PHF20: variants seen among roughly 807,000 people sequenced by gnomAD.
The protein encoded by PHF20 is PHD finger protein 20, also known as glioma-expressed antigen 2.
PHF20 carries 23 observed loss-of-function variants against 113.5 expected under a neutral mutation model. That is an observed-to-expected ratio of 0.20 (90% CI 0.15 to 0.29). The LOEUF is 0.29. Ranked by LOEUF, PHF20 falls within the 10% of genes least tolerant of loss-of-function variation. PHF20 has a pLI of 1.00. For missense variants in PHF20, 943 were observed against 1,219.6 expected (o/e 0.77, Z 3.38); for synonymous variants, 434 against 457.3 (o/e 0.95, Z 0.65).
intron 2 of PHF20, among the ~76,000 whole-genome samples, chr20:35,836,951 C>T (rs1162822984): frequency 1.3e-5 from 2 of 152,124 alleles, no homozygotes; most frequent in Non-Finnish European, 2.9e-5. Flanking sequence ...CCAGCGATCG[C>T]TTGAGCCCAG....
intron 2 of PHF20, among the ~76,000 whole-genome samples, chr20:35,805,894 C>G (rs7270712): frequency 0.11 from 16,612 of 151,260 alleles, 943 homozygotes; most frequent in South Asian, 0.16. Flanking sequence ...CAGAGTCTTG[C>G]TCTGTCGCCC....
At chr20:35,788,800 A>AC (rs2041479096) in intron 1 of PHF20, among the ~76,000 whole-genome samples, 1 of 149,978 alleles carries the variant, frequency 6.7e-6, no homozygotes, top group African/African-American at 2.5e-5. Context: ...GTGTTCTTGA[A>AC]CTGACGTCAG....
intron 1 of PHF20, among the ~76,000 whole-genome samples, chr20:35,787,061 A>G (rs946431025): frequency 6.7e-6 from 1 of 148,802 alleles, no homozygotes; most frequent in Non-Finnish European, 1.5e-5. Flanking sequence ...GTGCAATCAT[A>G]GTTCACTGCA....
chr20:35,785,050 TAA>T (rs879858412), intron 1 of PHF20, among the ~76,000 whole-genome samples: 12 of 142,128 alleles, frequency 8.4e-5, no homozygotes, highest in Admixed American at 7.1e-5. Context: ...GACCCTGTCT[TAA>T]AAAAAAAAAA....
At chr20:35,808,809 T>G (rs1245753659) in intron 2 of PHF20, among the ~76,000 whole-genome samples, 1 of 151,518 alleles carries the variant, frequency 6.6e-6, no homozygotes, top group African/African-American at 2.4e-5. Flanking sequence ...CCTGACCTCG[T>G]GATCTGCTCG....
intron 3 of PHF20, among the ~76,000 whole-genome samples, chr20:35,843,412 G>C (rs1247927434): frequency 6.6e-6 from 1 of 150,596 alleles, no homozygotes; most frequent in Non-Finnish European, 1.5e-5. Context: ...CCAGCTACTC[G>C]GGAGGCTGAG....
At chr20:35,901,744 A>G (rs1228836075) in intron 10 of PHF20, among the ~76,000 whole-genome samples, 1 of 152,190 alleles carries the variant, frequency 6.6e-6, no homozygotes, top group African/African-American at 2.4e-5. Context: ...CTTTAAGAGT[A>G]CAGACCTGAT....
In PHF20 at chr20:35,939,099, C is replaced by G. The variant is rs768597920; in HGVS notation, c.2703C>G (p.Gly901=). 5.0e-6 allele frequency: 8 copies of G among 1,604,778 alleles called. No homozygotes were observed. In the South Asian group the frequency reaches 8.9e-5, roughly 18 times the overall value. ...RSKGDSDPKP[G]SPKVKEYVSK... is the part of the protein sequence containing the mutation. ...AGGGGGACAGTGACCCCAAACCCGG[C>G]TCCCCAAAGGTATGTGGCTGCCTTG... Residue 901 remains glycine, a synonymous_variant, in exon 16 of 18, where the codon GGC becomes GGG. Coordinates refer to ENST00000374012, the MANE Select transcript of PHF20 (RefSeq NM_016436.5).
intron 10 of PHF20, among the ~76,000 whole-genome samples, chr20:35,910,653 T>C (rs777699030): frequency 1.2e-4 from 18 of 151,680 alleles, no homozygotes; most frequent in Middle Eastern, 6.8e-3. Context: ...CCCCCCGAGA[T>C]GGAGTCGCTG....
At chr20:35,874,938 A>G (rs1313677146) in intron 9 of PHF20, among the ~76,000 whole-genome samples, 1 of 152,044 alleles carries the variant, frequency 6.6e-6, no homozygotes, top group Non-Finnish European at 1.5e-5. Context: ...TCCCTCTTCA[A>G]AAAATAAAAA....
chr20:35,824,500 G>A (rs534628889), intron 2 of PHF20, among the ~76,000 whole-genome samples: 4 of 151,774 alleles, frequency 2.6e-5, no homozygotes, highest in South Asian at 4.2e-4. Flanking sequence ...CCAGCTACTC[G>A]GGAGGCTGAG....
At chr20:35,828,980 G>GT (rs1450850475) in intron 2 of PHF20, among the ~76,000 whole-genome samples, 1 of 152,174 alleles carries the variant, frequency 6.6e-6, no homozygotes, top group East Asian at 1.9e-4. Context: ...CAGGAGCGGC[G>GT]TAATGGGGGG....
rs185108303 is a variant in PHF20 at position 35,793,646 on chromosome 20, C to T, written c.-32-7845C>T. Among the ~76,000 whole-genome samples the T allele has an allele frequency of 3.3e-5, 5 of 151,940 alleles. No homozygotes were observed. The East Asian group carries it at 7.8e-4, about 24-fold the overall frequency. ...GTATCTAAAATAGTCCTTTCCATGT[C>T]GCTGGTTCACATTATTTTGTTGTTT... is the stretch of plus-strand genomic sequence containing the variant. On this transcript the variant is annotated intron_variant, in intron 1 of 17. Coordinates refer to ENST00000374012, the MANE Select transcript of PHF20 (RefSeq NM_016436.5).
intron 15 of PHF20, among the ~76,000 whole-genome samples, chr20:35,937,050 G>A (rs766903053): frequency 1.3e-5 from 2 of 152,158 alleles, no homozygotes; most frequent in Non-Finnish European, 2.9e-5. Context: ...CATTGGCTGG[G>A]TCCAGAAAGG....
chr20:35,869,022 C>T (rs975866814), intron 6 of PHF20, among the ~76,000 whole-genome samples: 1 of 151,696 alleles, frequency 6.6e-6, no homozygotes, highest in Non-Finnish European at 1.5e-5. Context: ...ACCTGGGAGG[C>T]GGAGGTTGCA....
chr20:35,932,428 ATT>A (rs753265544), intron 15 of PHF20, among the ~76,000 whole-genome samples: 5,569 of 104,222 alleles, frequency 0.053, 81 homozygotes, highest in African/African-American at 0.13. Flanking sequence ...CATCTTAACC[ATT>A]TTTTTTTTTT....
intron 14 of PHF20, among the ~76,000 whole-genome samples, chr20:35,930,981 T>C (rs1157093103): frequency 6.6e-6 from 1 of 151,948 alleles, no homozygotes; most frequent in Non-Finnish European, 1.5e-5. Flanking sequence ...TGATATAAAT[T>C]TGGAGATAAT....
At chr20:35,885,324 G>C (rs916121626) in intron 9 of PHF20, among the ~76,000 whole-genome samples, 3 of 151,896 alleles carry the variant, frequency 2.0e-5, no homozygotes, top group African/African-American at 7.3e-5. Context: ...AAAAAATGGG[G>C]GTAAATTTTT....
intron 17 of PHF20, among the ~76,000 whole-genome samples, chr20:35,946,999 C>T (rs934270152): frequency 1.3e-5 from 2 of 152,162 alleles, no homozygotes; most frequent in Non-Finnish European, 2.9e-5. Flanking sequence ...TGTGCCACCG[C>T]GCCCGGCTGG....
Sources: gnomAD v4.1 joint callset for allele counts (sites outside exome capture counted in the v4.1 genomes callset) on GRCh38, gnomAD v4.1.1 for gene constraint, MANE v1.5 for transcripts, NCBI Gene and HGNC (gene_info 2026-07-23, HGNC 2026-07-21) for gene names.